IGF1R: variants seen among roughly 807,000 people sequenced by gnomAD.
The protein encoded by IGF1R is insulin-like growth factor 1 receptor.
In IGF1R, 44 loss-of-function variants were observed where a neutral mutation model predicts 144.6. That is an observed-to-expected ratio of 0.30 (90% CI 0.24 to 0.39). The LOEUF (loss-of-function observed/expected upper bound fraction) is 0.39, where lower values mean the gene tolerates loss of function less well. IGF1R is among the 10% of genes least tolerant of loss of function. The probability of loss-of-function intolerance (pLI) is 1.00; values close to 1 mark genes in which losing one functional copy is unlikely to be tolerated. For missense variants in IGF1R, 1,355 were observed against 1,833.7 expected, an observed-to-expected ratio of 0.74 and a Z score of 4.77; for synonymous variants, 795 against 722.8, an observed-to-expected ratio of 1.10 and a Z score of -1.60.
rs548333769 is a variant in IGF1R at position 98,649,632 on chromosome 15, G to C, written c.51G>C (p.Leu17=). The part of the protein sequence containing the change: ...GGSPTSLWGL[L]FLSAALSLWP... ...CCCCGACCTCGCTGTGGGGGCTCCT[G>C]TTTCTCTCCGCCGCGCTCTCGCTCT... The change falls in exon 1 of 21, where the codon CTG becomes CTC. Residue 17 remains leucine, a synonymous_variant. Coordinates refer to ENST00000650285, the MANE Select transcript of IGF1R (RefSeq NM_000875.5). 3 of 1,607,742 alleles carry C rather than the reference G, an allele frequency of 1.9e-6. No homozygotes were observed. The highest frequency in any genetic ancestry group is 2.7e-5 in the African/African-American group (2 of 73,600).
At chr15:98,649,705 T>G in intron 1 of IGF1R, 30 bp downstream of exon 1, 1 of 1,537,096 alleles carries the variant, frequency 6.5e-7, no homozygotes, top group Admixed American at 1.7e-5. Flanking sequence ...CCGCGGCCAC[T>G]GCGGGAACTT....
intron 2 of IGF1R, among the ~76,000 whole-genome samples, chr15:98,822,554 G>A (rs1350036063): frequency 6.6e-6 from 1 of 152,186 alleles, no homozygotes; most frequent in Admixed American, 6.5e-5. Context: ...AATATAGTGA[G>A]CCCCTCGGCT....
At chr15:98,829,961 G>A (rs1347781872) in intron 2 of IGF1R, among the ~76,000 whole-genome samples, 1 of 152,176 alleles carries the variant, frequency 6.6e-6, no homozygotes, top group Non-Finnish European at 1.5e-5. Context: ...GTTCCATATA[G>A]TTGTAACAAA....
intron 20 of IGF1R, chr15:98,953,132 G>A (rs1014273741): frequency 6.6e-5 from 10 of 152,246 alleles, no homozygotes; most frequent in African/African-American, 2.4e-4. Flanking sequence ...TGTGAGTTGT[G>A]TGGTTCTGAG....
chr15:98,727,424 C>T (rs951626031), intron 2 of IGF1R, among the ~76,000 whole-genome samples: 2 of 152,104 alleles, frequency 1.3e-5, no homozygotes, highest in African/African-American at 4.8e-5. Flanking sequence ...TTGTGGTTGC[C>T]TGCCCGTAGT....
intron 2 of IGF1R, among the ~76,000 whole-genome samples, chr15:98,812,554 T>G (rs765215814): frequency 1.6e-4 from 24 of 152,020 alleles, no homozygotes; most frequent in Admixed American, 1.0e-3. Context: ...GATGGGGTTT[T>G]GCCATATTGG....
intron 17 of IGF1R, among the ~76,000 whole-genome samples, chr15:98,938,701 A>G (rs1321646406): frequency 6.6e-6 from 1 of 152,232 alleles, no homozygotes; most frequent in Non-Finnish European, 1.5e-5. Context: ...AAAGAAAAGG[A>G]TTAAATAATT....
intron 2 of IGF1R, among the ~76,000 whole-genome samples, chr15:98,785,365 TC>T (rs1240901531): frequency 6.6e-6 from 1 of 152,232 alleles, no homozygotes; most frequent in African/African-American, 2.4e-5. Context: ...AATTCCCTCT[TC>T]CCTTTGTAGC....
At chr15:98,921,292 A>G (rs896580724) in intron 10 of IGF1R, among the ~76,000 whole-genome samples, 1 of 151,866 alleles carries the variant, frequency 6.6e-6, no homozygotes, top group Admixed American at 6.5e-5. Context: ...CACAAAGCCC[A>G]TTTCTTCATA....
At chr15:98,952,420 A>G (rs1361355168) in intron 20 of IGF1R, among the ~76,000 whole-genome samples, 2 of 152,104 alleles carry the variant, frequency 1.3e-5, no homozygotes, top group Non-Finnish European at 2.9e-5. Flanking sequence ...TCATGCTTTC[A>G]AGTCTGAATA....
At chr15:98,896,710 C>T (rs201367161) in intron 3 of IGF1R, 47 bp from the exon 4 acceptor site, 1 of 1,583,770 alleles carries the variant, frequency 6.3e-7, no homozygotes, top group Non-Finnish European at 8.7e-7. Flanking sequence ...TGCAAGAAGA[C>T]AGACTCAATT....
chr15:98,786,377 A>ATT (rs5814901), intron 2 of IGF1R, among the ~76,000 whole-genome samples: 127 of 149,334 alleles, frequency 8.5e-4, no homozygotes, highest in South Asian at 2.5e-3. Context: ...CAGGGAGTTA[A>ATT]TTTTTTTTTT....
chr15:98,651,174 G>T (rs1412298085), intron 1 of IGF1R: 5 of 559,226 alleles, frequency 8.9e-6, no homozygotes, highest in Non-Finnish European at 1.1e-5. Flanking sequence ...GGAAGGAGGA[G>T]GCAGCGGAGG....
chr15:98,867,550 T>A (rs1173950603), intron 2 of IGF1R, among the ~76,000 whole-genome samples: 1 of 152,158 alleles, frequency 6.6e-6, no homozygotes, highest in Non-Finnish European at 1.5e-5. Context: ...AGTGTTCTTG[T>A]CCTCCCGTTA....
intron 2 of IGF1R, among the ~76,000 whole-genome samples, chr15:98,875,349 C>CTTTTTT (rs34303390): frequency 3.8e-4 from 50 of 130,126 alleles, no homozygotes; most frequent in East Asian, 1.7e-3. Flanking sequence ...CTTTTCTTTT[C>CTTTTTT]TTTTTTTTTT....
At chr15:98,815,119 TTCAG>T (rs1293034368) in intron 2 of IGF1R, among the ~76,000 whole-genome samples, 6 of 152,222 alleles carry the variant, frequency 3.9e-5, no homozygotes, top group Admixed American at 3.9e-4. Context: ...CAGGAATATT[TTCAG>T]TCAGTGATTA....
chr15:98,952,751 C>T (rs1167372052), intron 20 of IGF1R: 4 of 152,194 alleles, frequency 2.6e-5, no homozygotes, highest in African/African-American at 9.7e-5. Context: ...AGGGCACTTC[C>T]TGTTCTCAGC....
chr15:98,680,391 C>T (rs12593930), intron 1 of IGF1R, among the ~76,000 whole-genome samples: 2 of 152,002 alleles, frequency 1.3e-5, no homozygotes, highest in Non-Finnish European at 2.9e-5. Flanking sequence ...CTCAGCCTCC[C>T]GAGTAGCTGG....
chr15:98,837,204 T>G (rs906498722), intron 2 of IGF1R, among the ~76,000 whole-genome samples: 1 of 152,172 alleles, frequency 6.6e-6, no homozygotes, highest in African/African-American at 2.4e-5. Flanking sequence ...AAGTAGCTAG[T>G]GTGCACCATC....
Sources: allele counts gnomAD v4.1 joint callset (sites outside exome capture counted in the v4.1 genomes callset), GRCh38; gene constraint gnomAD v4.1.1; transcripts MANE v1.5; gene names NCBI Gene and HGNC (gene_info 2026-07-23, HGNC 2026-07-21).